Variants in PTPRM observed in about 807,000 individuals in gnomAD.
PTPRM encodes receptor-type tyrosine-protein phosphatase mu.
PTPRM carries 47 observed loss-of-function variants against 186.7 expected under a neutral mutation model. That is an observed-to-expected ratio of 0.25 (90% CI 0.20 to 0.32). The LOEUF is 0.32. Among genes scored for constraint, PTPRM ranks in the 10% least tolerant of loss-of-function variants. PTPRM has a pLI of 1.00. For missense variants in PTPRM, 1,494 were observed against 1,865.0 expected (o/e 0.80, Z 3.66); for synonymous variants, 668 against 674.9 (o/e 0.99, Z 0.16).
In PTPRM at chr18:8,384,830, C is replaced by T. The variant is rs2095761428; in HGVS notation, c.4044+144C>T. ...AACCAAAAAAACATAGATTCCTGACCTTATGGAGCTTACATTCTAATAGGA... is the reference window on the plus strand; with the variant it reads ...AACCAAAAAAACATAGATTCCTGACTTTATGGAGCTTACATTCTAATAGGA... On this transcript the variant is annotated intron_variant, in intron 30 of 32. Transcript: ENST00000580170. 4.1e-6 allele frequency: 4 copies of T among 986,740 alleles called. No individual in the cohort carries two copies. The South Asian group carries it at 4.9e-5, about 12-fold the overall frequency. 61.1% of individuals were successfully genotyped at this position (986,740 alleles called of 1,614,324 possible). A position where few individuals can be genotyped will look rare whatever the true frequency, so the allele number is the denominator to read the frequency against.
chr18:8,365,405 C>A (rs2095622516), intron 23 of PTPRM, among the ~76,000 whole-genome samples: 1 of 152,204 alleles, frequency 6.6e-6, no homozygotes, highest in Admixed American at 6.5e-5. Flanking sequence ...CTAAGTGAGG[C>A]CACAGATGTC....
chr18:8,384,675 A>G lies in PTPRM; in HGVS notation c.4033A>G (p.Asn1345Asp). The G allele has an allele frequency of 3.7e-6, 6 of 1,614,106 alleles. No homozygotes were observed. Among genetic ancestry groups the G allele is most frequent in the Non-Finnish European group, 5.1e-6 (6 of 1,180,012 alleles). The change falls in exon 30 of 33, where the codon AAT (asparagine) becomes GAT (aspartate). Residue 1345 changes from asparagine to aspartate, a missense_variant. Around this residue, in one of 3 missense-constraint regions of PTPRM, gnomAD observed 1,107 missense variants for 1,350.2 expected, o/e 0.82. Coordinates refer to ENST00000580170, the MANE Select transcript of PTPRM (RefSeq NM_001105244.2). ...DIISRIFRIY[N>D]AARPQDGYRM... ...CATCAGCAGGATATTCCGCATTTAC[A>G]ATGCCGCCAGAGTAAGAGACGGGCC...
intron 20 of PTPRM, among the ~76,000 whole-genome samples, chr18:8,313,928 A>G (rs1212863380): frequency 6.6e-6 from 1 of 152,118 alleles, no homozygotes; most frequent in Non-Finnish European, 1.5e-5. Flanking sequence ...AGGCAGGAGA[A>G]CTGCTTGAAG....
chr18:7,700,407 G>A (rs1442095560), intron 1 of PTPRM, among the ~76,000 whole-genome samples: 1 of 152,100 alleles, frequency 6.6e-6, no homozygotes, highest in Non-Finnish European at 1.5e-5. Flanking sequence ...TGATTGGATT[G>A]CCAGACTCTG....
rs118092169 is a variant in PTPRM, at chr18:7,591,636, C to T, written c.73+23745C>T. Among the ~76,000 whole-genome samples, 253 of 152,208 alleles carry T rather than the reference C, an allele frequency of 1.7e-3. 5 individuals are homozygous for T. In the East Asian group the frequency reaches 0.024, roughly 14 times the overall value. On this transcript the variant is annotated intron_variant, in intron 1 of 32. Coordinates refer to ENST00000580170, the MANE Select transcript of PTPRM (RefSeq NM_001105244.2). The stretch of plus-strand genomic sequence containing the variant: ...AATGATAATTAACATAAAGAATTAA[C>T]GAAAATCTCCAGAGTGCTAGGTTTT...
intron 13 of PTPRM, among the ~76,000 whole-genome samples, chr18:8,126,002 TATATATATA>T (rs1222943437): frequency 1.7e-4 from 3 of 18,056 alleles, no homozygotes; most frequent in African/African-American, 3.6e-4. Flanking sequence ...TATATATATA[TATATATATA>T]TATATATATA....
At position 7,729,983 on chromosome 18, in the gene PTPRM, T is replaced by C. The variant is rs200988027; in HGVS notation, c.74-44166T>C. ...TGAAATACTTTTCAAGTATCAAATA[T>C]TTATGGAAAAAAAATCTGCGTTGGC... On this transcript the variant is annotated intron_variant, in intron 1 of 32. Coordinates refer to ENST00000580170, the MANE Select transcript of PTPRM (RefSeq NM_001105244.2). 3.7e-4 allele frequency among the ~76,000 whole-genome samples: 56 copies of C among 152,262 alleles called. 1 individual carries two copies. In the East Asian group the frequency reaches 0.01, roughly 28 times the overall value.
intron 13 of PTPRM, among the ~76,000 whole-genome samples, chr18:8,122,639 C>A (rs562042552): frequency 6.6e-6 from 1 of 152,132 alleles, no homozygotes. Context: ...GGGTTTCCAA[C>A]AAAATACATA....
At chr18:8,252,318 G>A (rs184210850) in intron 17 of PTPRM, among the ~76,000 whole-genome samples, 170 bp from the exon 18 acceptor site, 1 of 152,312 alleles carries the variant, frequency 6.6e-6, no homozygotes, top group Admixed American at 6.5e-5. Context: ...CCATCCTAAC[G>A]TGATGGAAGA....
At chr18:7,850,109 A>G (rs1210357516) in intron 2 of PTPRM, among the ~76,000 whole-genome samples, 1 of 152,212 alleles carries the variant, frequency 6.6e-6, no homozygotes, top group African/African-American at 2.4e-5. Flanking sequence ...GGTGATCTTC[A>G]GATGTGGGTG....
At chr18:8,240,777 G>GGGGAGAGAGAGAGAGAGAGAGA (rs2094420000) in intron 14 of PTPRM, among the ~76,000 whole-genome samples, 1 of 57,302 alleles carries the variant, frequency 1.7e-5, no homozygotes, top group South Asian at 8.0e-4. Context: ...AGAGAGAGAG[G>GGGGAGAGAGAGAGAGAGAGAGA]GAGAGAGAGA....
intron 23 of PTPRM, among the ~76,000 whole-genome samples, chr18:8,348,900 GT>G (rs2095519671): frequency 6.6e-6 from 1 of 152,178 alleles, no homozygotes; most frequent in Non-Finnish European, 1.5e-5. Context: ...AAGATAAAAT[GT>G]TTTGGAGCTG....
At chr18:8,078,628 C>T (rs1285099093) in intron 9 of PTPRM, among the ~76,000 whole-genome samples, 1 of 152,170 alleles carries the variant, frequency 6.6e-6, no homozygotes, top group Non-Finnish European at 1.5e-5. Flanking sequence ...TTGTATTAGG[C>T]CGCTCTTGTT....
intron 11 of PTPRM, among the ~76,000 whole-genome samples, chr18:8,103,177 A>T (rs2091368261): frequency 6.6e-6 from 1 of 152,184 alleles, no homozygotes; most frequent in South Asian, 2.1e-4. Flanking sequence ...GGGCCCTAGG[A>T]TGGTAAATGA....
chr18:8,043,900 T>C (rs1040883805), intron 7 of PTPRM, among the ~76,000 whole-genome samples: 1 of 152,132 alleles, frequency 6.6e-6, no homozygotes. Context: ...GGTTAATCCA[T>C]GTGAAACCAT....
At chr18:8,173,307 A>G (rs189443629) in intron 14 of PTPRM, among the ~76,000 whole-genome samples, 2 of 152,374 alleles carry the variant, frequency 1.3e-5, no homozygotes, top group East Asian at 3.9e-4. Flanking sequence ...AATGATATAT[A>G]TGCTGTTGGA....
chr18:7,606,379 T>C (rs1418526882), intron 1 of PTPRM, among the ~76,000 whole-genome samples: 1 of 152,090 alleles, frequency 6.6e-6, no homozygotes, highest in Non-Finnish European at 1.5e-5. Flanking sequence ...CGGGGCCAGA[T>C]GGGGAGGAGA....
chr18:8,310,740 T>A (rs1184499195), intron 20 of PTPRM, among the ~76,000 whole-genome samples: 1 of 152,178 alleles, frequency 6.6e-6, no homozygotes, highest in African/African-American at 2.4e-5. Context: ...TAATGTGTTT[T>A]CCATTGCCTT....
chr18:8,225,147 C>T (rs1436769072), intron 14 of PTPRM, among the ~76,000 whole-genome samples: 1 of 152,186 alleles, frequency 6.6e-6, no homozygotes, highest in Non-Finnish European at 1.5e-5. Flanking sequence ...TCTCTACTCA[C>T]CTGCTAGGTT....
Sources: gnomAD v4.1 joint callset for allele counts (sites outside exome capture counted in the v4.1 genomes callset) on GRCh38, gnomAD v4.1.1 for gene constraint, gnomAD v4.1.1 regional missense constraint, MANE v1.5 for transcripts, NCBI Gene and HGNC (gene_info 2026-07-23, HGNC 2026-07-21) for gene names.